The following LDB2 variants were observed in gnomAD, a reference collection of about 807,000 sequenced individuals.
LDB2 encodes the protein LIM domain binding 2, also known as LIM domain-binding protein 2.
LDB2 carries 12 observed loss-of-function variants against 44.3 expected under a neutral mutation model. The observed-to-expected ratio is 0.27, with a 90% CI of 0.17 to 0.44. The LOEUF is 0.44. Among genes scored for constraint, LDB2 ranks in the 20% least tolerant of loss-of-function variants. The pLI is 1.00. For synonymous variants in LDB2, 164 were observed against 174.8 expected, an observed-to-expected ratio of 0.94 and a Z score of 0.49; for missense variants, 344 against 473.5, an observed-to-expected ratio of 0.73 and a Z score of 2.54.
At chr4:16,622,006 T>C (rs1729017549) in intron 2 of LDB2, among the ~76,000 whole-genome samples, 1 of 152,268 alleles carries the variant, frequency 6.6e-6, no homozygotes, top group African/African-American at 2.4e-5. Flanking sequence ...AATTAAAAAG[T>C]AACCGCAATT....
chr4:16,832,639 CTTGAAG>C (rs1266474850), intron 1 of LDB2, among the ~76,000 whole-genome samples: 1 of 152,118 alleles, frequency 6.6e-6, no homozygotes, highest in Non-Finnish European at 1.5e-5. Flanking sequence ...CAGCCCAAGT[CTTGAAG>C]TTGATTAGAA....
intron 5 of LDB2, among the ~76,000 whole-genome samples, chr4:16,566,376 G>C (rs370280108): frequency 6.6e-6 from 1 of 151,884 alleles, no homozygotes; most frequent in East Asian, 1.9e-4. Flanking sequence ...TACAGAAATG[G>C]GCTCGAATAC....
At chr4:16,604,502 T>C (rs982116727) in intron 2 of LDB2, among the ~76,000 whole-genome samples, 6 of 149,394 alleles carry the variant, frequency 4.0e-5, no homozygotes, top group Admixed American at 6.7e-5. Context: ...GCAATAACTT[T>C]GCAATAACAT....
In LDB2 at chr4:16,629,572, A is replaced by G. The variant is rs1199815855; in HGVS notation, c.236-33697T>C. 2.0e-5 allele frequency among the ~76,000 whole-genome samples: 3 copies of G among 152,130 alleles called. No individual in the cohort carries two copies. In the East Asian group the frequency reaches 5.8e-4, roughly 29 times the overall value. Reference sequence around the variant, plus strand: ...GTTAGAAGGAAAACTAACAAAGAGAAAGGAATAGCATCAACATCAACAAAA... The same window carrying G: ...GTTAGAAGGAAAACTAACAAAGAGAGAGGAATAGCATCAACATCAACAAAA... On this transcript the variant is annotated intron_variant, in intron 2 of 7. Coordinates refer to ENST00000304523, the MANE Select transcript of LDB2 (RefSeq NM_001290.5).
At chr4:16,868,745 C>T (rs1258007922) in intron 1 of LDB2, among the ~76,000 whole-genome samples, 2 of 152,130 alleles carry the variant, frequency 1.3e-5, no homozygotes, top group Non-Finnish European at 2.9e-5. Flanking sequence ...TATCTCAGTG[C>T]CTTTCGTTAG....
At chr4:16,706,676 C>T (rs1270177646) in intron 2 of LDB2, among the ~76,000 whole-genome samples, 1 of 152,084 alleles carries the variant, frequency 6.6e-6, no homozygotes, top group Admixed American at 6.6e-5. Context: ...CAGAGTTCTT[C>T]CTAGGGGGAC....
chr4:16,576,953 A>G (rs1464269173), intron 5 of LDB2, among the ~76,000 whole-genome samples: 2 of 152,260 alleles, frequency 1.3e-5, no homozygotes, highest in Non-Finnish European at 2.9e-5. Context: ...AATATGATAC[A>G]TCATATCAAC....
At chr4:16,516,436 C>T (rs1005018444) in intron 5 of LDB2, among the ~76,000 whole-genome samples, 2 of 152,310 alleles carry the variant, frequency 1.3e-5, no homozygotes, top group South Asian at 4.1e-4. Context: ...ATCAAGCATT[C>T]TGCTCGGTGC....
intron 2 of LDB2, among the ~76,000 whole-genome samples, chr4:16,680,743 A>G (rs572201496): frequency 6.6e-6 from 1 of 152,214 alleles, no homozygotes; most frequent in Non-Finnish European, 1.5e-5. Flanking sequence ...AATAACCTGC[A>G]CAGTATATAG....
chr4:16,772,666 A>G (rs1169719305), intron 1 of LDB2, among the ~76,000 whole-genome samples: 2 of 152,232 alleles, frequency 1.3e-5, no homozygotes, highest in African/African-American at 4.8e-5. Flanking sequence ...ACATAATCCA[A>G]AAATATGTAA....
chr4:16,632,732 T>G (rs1732347890), intron 2 of LDB2, among the ~76,000 whole-genome samples: 1 of 152,130 alleles, frequency 6.6e-6, no homozygotes, highest in African/African-American at 2.4e-5. Flanking sequence ...TTCAACAAAG[T>G]CTCTGGATAC....
chr4:16,551,057 T>C (rs1737479389), intron 5 of LDB2, among the ~76,000 whole-genome samples: 1 of 152,166 alleles, frequency 6.6e-6, no homozygotes, highest in Admixed American at 6.5e-5. Context: ...AGATAATAAA[T>C]AGAAATTCAT....
chr4:16,680,522 A>C (rs941316986), intron 2 of LDB2, among the ~76,000 whole-genome samples: 1 of 152,202 alleles, frequency 6.6e-6, no homozygotes, highest in East Asian at 1.9e-4. Flanking sequence ...CTGAGGACTT[A>C]CTTATCTCAT....
chr4:16,658,200 G>T (rs572199846), intron 2 of LDB2, among the ~76,000 whole-genome samples: 1 of 152,286 alleles, frequency 6.6e-6, no homozygotes, highest in South Asian at 2.1e-4. Context: ...TTGGGCAGGG[G>T]CTGTATCTTA....
chr4:16,558,274 G>A (rs1167399205), intron 5 of LDB2, among the ~76,000 whole-genome samples: 2 of 152,240 alleles, frequency 1.3e-5, no homozygotes, highest in South Asian at 2.1e-4. Flanking sequence ...GCTACAGGAG[G>A]AAATGCAAAC....
intron 7 of LDB2, chr4:16,505,743 A>T (rs73798795): frequency 1.1e-5 from 14 of 1,287,508 alleles, no homozygotes; most frequent in Non-Finnish European, 1.4e-5. Flanking sequence ...AGCTCCCCAC[A>T]AGGCCAACTT....
chr4:16,680,784 C>G (rs1202682481), intron 2 of LDB2, among the ~76,000 whole-genome samples: 1 of 152,146 alleles, frequency 6.6e-6, no homozygotes, highest in Non-Finnish European at 1.5e-5. Context: ...CAAATGAGAG[C>G]AAAACCAAAC....
chr4:16,548,190 G>A (rs1241894481), intron 5 of LDB2, among the ~76,000 whole-genome samples: 1 of 152,110 alleles, frequency 6.6e-6, no homozygotes, highest in Non-Finnish European at 1.5e-5. Flanking sequence ...TGGGGATAAA[G>A]ACACAGGCAT....
chr4:16,847,127 T>C (rs1787178233), intron 1 of LDB2, among the ~76,000 whole-genome samples: 1 of 152,220 alleles, frequency 6.6e-6, no homozygotes, highest in Non-Finnish European at 1.5e-5. Flanking sequence ...TCCCCCGTAA[T>C]TGTTTTTATG....
Sources: gnomAD v4.1 joint callset for allele counts (sites outside exome capture counted in the v4.1 genomes callset) on GRCh38, gnomAD v4.1.1 for gene constraint, MANE v1.5 for transcripts, NCBI Gene and HGNC (gene_info 2026-07-23, HGNC 2026-07-21) for gene names.